Variants in TRPM3 observed in about 807,000 individuals in gnomAD.
TRPM3 encodes the protein long transient receptor potential channel 3.
TRPM3 carries 77 observed loss-of-function variants against 181.2 expected under a neutral mutation model. The ratio of observed to expected loss-of-function variants is 0.42; its 90% confidence interval spans 0.35 to 0.51. TRPM3 has a LOEUF of 0.51. Ranked by LOEUF, TRPM3 falls within the 20% of genes least tolerant of loss-of-function variation. The pLI is 0.01. For missense variants in TRPM3, 1,759 were observed against 2,196.7 expected (o/e 0.80, Z 3.98); for synonymous variants, 745 against 796.4 (o/e 0.94, Z 1.09).
At chr9:70,972,693 T>A (rs1275670114) in intron 1 of TRPM3, among the ~76,000 whole-genome samples, 1 of 152,182 alleles carries the variant, frequency 6.6e-6, no homozygotes, top group East Asian at 1.9e-4. Context: ...TTTTTTAAGA[T>A]CTTGAATAAG....
chr9:70,825,661 C>A (rs749270604), intron 6 of TRPM3: 3 of 152,408 alleles, frequency 2.0e-5, no homozygotes, highest in Non-Finnish European at 2.9e-5. Context: ...TCTTCAGCTG[C>A]GTGCTGTTGG....
At chr9:70,831,389 CTTTTT>C (rs57576262) in intron 5 of TRPM3, among the ~76,000 whole-genome samples, 1 of 132,768 alleles carries the variant, frequency 7.5e-6, no homozygotes. Flanking sequence ...TAAAATAGGA[CTTTTT>C]TTTTTTTTTT....
intron 20 of TRPM3, among the ~76,000 whole-genome samples, chr9:70,602,915 A>G (rs1387249818): frequency 2.0e-5 from 3 of 152,294 alleles, no homozygotes; most frequent in East Asian, 1.9e-4. Context: ...AATAAATCCA[A>G]TCAGTGAGTG....
At chr9:70,907,649 C>T (rs1352772177) in intron 1 of TRPM3, among the ~76,000 whole-genome samples, 1 of 152,114 alleles carries the variant, frequency 6.6e-6, no homozygotes, top group African/African-American at 2.4e-5. Flanking sequence ...GATCCCATTG[C>T]CCCAGTAATG....
At chr9:70,978,633 G>A (rs1437157160) in intron 1 of TRPM3, among the ~76,000 whole-genome samples, 3 of 152,210 alleles carry the variant, frequency 2.0e-5, no homozygotes, top group African/African-American at 4.8e-5. Context: ...ATGAGGAAAT[G>A]TACTGTTGTT....
At chr9:71,348,205 A>G (rs761679755) in intron 1 of TRPM3, among the ~76,000 whole-genome samples, 11 of 152,226 alleles carry the variant, frequency 7.2e-5, no homozygotes, top group Non-Finnish European at 1.6e-4. Flanking sequence ...AATAATTTAA[A>G]TAAATGTTAA....
At chr9:70,674,329 G>A (rs192387528) in intron 9 of TRPM3, among the ~76,000 whole-genome samples, 3 of 152,178 alleles carry the variant, frequency 2.0e-5, no homozygotes, top group Non-Finnish European at 4.4e-5. Flanking sequence ...CAAAACATAT[G>A]CCAAAGTTTT....
chr9:71,330,572 T>C (rs897308377), intron 1 of TRPM3, among the ~76,000 whole-genome samples: 5 of 151,916 alleles, frequency 3.3e-5, no homozygotes, highest in African/African-American at 1.2e-4. Context: ...AAATTCTTAG[T>C]ATGCTATAGC....
At chr9:71,402,628 A>G (rs578150472) in intron 1 of TRPM3, among the ~76,000 whole-genome samples, 1 of 152,338 alleles carries the variant, frequency 6.6e-6, no homozygotes, top group South Asian at 2.1e-4. Context: ...TATTTCTAAG[A>G]AATAAAAAAA....
At chr9:70,609,799 G>A (rs575434406) in intron 19 of TRPM3, among the ~76,000 whole-genome samples, 40 of 152,152 alleles carry the variant, frequency 2.6e-4, no homozygotes, top group Non-Finnish European at 1.5e-4. Context: ...TGACTGCTAC[G>A]CAGCTGGTTG....
In TRPM3 at chr9:70,530,120, G is replaced by A. The variant is rs1172137241; in HGVS notation, c.*5833C>T. On this transcript the variant is annotated 3_prime_UTR_variant, in exon 26 of 26. Transcript: ENST00000677713. ...TGAACACCAGCCGGGGTAGAGGCAGGAGGAGGCTAAGTTGGTGGGAAGATC... is the reference window on the plus strand; with the variant it reads ...TGAACACCAGCCGGGGTAGAGGCAGAAGGAGGCTAAGTTGGTGGGAAGATC... 6.6e-6 allele frequency: 1 copy of A among 152,276 alleles called. No homozygotes were observed. Among genetic ancestry groups the A allele is most frequent in the Non-Finnish European group, 1.5e-5 (1 of 68,100 alleles). The allele number at this position is 152,276 out of a possible 1,614,324, so 9.4% of individuals were successfully genotyped here.
At chr9:71,070,441 A>C (rs2062602559) in intron 1 of TRPM3, among the ~76,000 whole-genome samples, 1 of 152,236 alleles carries the variant, frequency 6.6e-6, no homozygotes, top group Admixed American at 6.5e-5. Flanking sequence ...GTTGTGGAAC[A>C]AATCCACTGC....
chr9:70,998,256 T>C lies in TRPM3; in HGVS notation c.177+122922A>G, dbSNP rs1328956881. Among the ~76,000 whole-genome samples the C allele has an allele frequency of 6.8e-5, 9 of 133,068 alleles. No homozygotes were observed. In the Admixed American group the frequency reaches 7.0e-4, roughly 10 times the overall value. 87.3% of individuals were successfully genotyped at this position (133,068 alleles called of 152,430 possible). ...ACACACACACACACACACACATATA[T>C]ATATATATATTTTTTTTAGTATTTT... On this transcript the variant is annotated intron_variant, in intron 1 of 25. Coordinates refer to ENST00000677713, the MANE Select transcript of TRPM3 (RefSeq NM_001366145.2).
chr9:70,828,106 G>C, intron 5 of TRPM3, 88 bp from the exon 6 acceptor site: 25 of 1,300,760 alleles, frequency 1.9e-5, no homozygotes, highest in Non-Finnish European at 2.4e-5. Context: ...AAGAGAGGAA[G>C]AAAGAACATC....
At chr9:71,376,400 T>C (rs1362279535) in intron 1 of TRPM3, among the ~76,000 whole-genome samples, 3 of 152,140 alleles carry the variant, frequency 2.0e-5, no homozygotes, top group African/African-American at 7.2e-5. Flanking sequence ...TATAAATATG[T>C]ATCATTGCTT....
At chr9:71,217,191 C>A (rs375538989) in intron 1 of TRPM3, among the ~76,000 whole-genome samples, 4 of 151,588 alleles carry the variant, frequency 2.6e-5, no homozygotes, top group African/African-American at 9.7e-5. Flanking sequence ...ACCTCGTGAT[C>A]CGCCCGCCTC....
intron 1 of TRPM3, among the ~76,000 whole-genome samples, chr9:71,435,008 T>C (rs1390057648): frequency 6.6e-6 from 1 of 152,142 alleles, no homozygotes; most frequent in Non-Finnish European, 1.5e-5. Flanking sequence ...ATTTACAAAC[T>C]ATTAATAATT....
chr9:70,900,826 T>A (rs1472574901), intron 1 of TRPM3, among the ~76,000 whole-genome samples: 1 of 152,234 alleles, frequency 6.6e-6, no homozygotes, highest in Non-Finnish European at 1.5e-5. Flanking sequence ...AGAGCAAGAA[T>A]CTATATCTGG....
intron 1 of TRPM3, among the ~76,000 whole-genome samples, chr9:70,896,993 C>CTAT (rs1320007579): frequency 2.6e-4 from 33 of 126,254 alleles, no homozygotes; most frequent in South Asian, 8.5e-4. Flanking sequence ...ATTTATGGGG[C>CTAT]ACATGTGATA....
Sources: allele counts gnomAD v4.1 joint callset (sites outside exome capture counted in the v4.1 genomes callset), GRCh38; gene constraint gnomAD v4.1.1; transcripts MANE v1.5; gene names NCBI Gene and HGNC (gene_info 2026-07-23, HGNC 2026-07-21).